EPHB1: variants seen among roughly 807,000 people sequenced by gnomAD.
The protein encoded by EPHB1 is EPH receptor B1.
Under a neutral mutation model 94.4 loss-of-function variants are expected in EPHB1, and 30 were observed. The observed-to-expected ratio is 0.32, with a 90% CI of 0.24 to 0.43. EPHB1 has a LOEUF of 0.43. Among genes scored for constraint, EPHB1 ranks in the 20% least tolerant of loss-of-function variants. The pLI is 1.00. For missense variants in EPHB1, 1,055 were observed against 1,308.3 expected (o/e 0.81, Z 2.99); for synonymous variants, 522 against 489.1 (o/e 1.07, Z -0.89).
intron 1 of EPHB1, among the ~76,000 whole-genome samples, chr3:134,908,265 A>G (rs2038377809): frequency 6.6e-6 from 1 of 152,234 alleles, no homozygotes. Flanking sequence ...AGGTGCTAAC[A>G]TTCCCAACAA....
At chr3:135,145,815 C>G (rs1218873979) in intron 5 of EPHB1, among the ~76,000 whole-genome samples, 1 of 152,104 alleles carries the variant, frequency 6.6e-6, no homozygotes, top group Non-Finnish European at 1.5e-5. Context: ...TCAACCCTGC[C>G]GAGTCACAAC....
rs2107704794 is a variant in EPHB1 at position 135,179,847 on chromosome 3, C to G, written c.1760-13C>G. On this transcript the variant is annotated splice_polypyrimidine_tract_variant and intron_variant, in intron 9 of 15. Transcript: ENST00000398015. ...TCTTTGGGATGTTAACCCTGCTTAT[C>G]TCCTCCAACAAGGCTCCCCAGGGAT... 3 of 1,613,626 alleles carry G rather than the reference C, an allele frequency of 1.9e-6. No individual in the cohort carries two copies. Among genetic ancestry groups the G allele is most frequent in the Non-Finnish European group, 2.5e-6 (3 of 1,179,630 alleles).
intron 3 of EPHB1, among the ~76,000 whole-genome samples, chr3:135,017,973 G>A (rs1039764793): frequency 6.6e-6 from 1 of 152,096 alleles, no homozygotes; most frequent in African/African-American, 2.4e-5. Flanking sequence ...GGCTGGGGAG[G>A]CAGGCACATG....
At chr3:134,942,850 A>C (rs2039146455) in intron 2 of EPHB1, among the ~76,000 whole-genome samples, 1 of 152,268 alleles carries the variant, frequency 6.6e-6, no homozygotes, top group African/African-American at 2.4e-5. Flanking sequence ...AATTAGTCAA[A>C]GTTTAATTTA....
intron 3 of EPHB1, among the ~76,000 whole-genome samples, chr3:134,970,856 A>G (rs991603093): frequency 4.6e-5 from 7 of 152,228 alleles, no homozygotes; most frequent in African/African-American, 1.7e-4. Context: ...CGCCTACCAT[A>G]TTGAATGAGG....
At chr3:135,246,710 AGG>A in intron 13 of EPHB1, among the ~76,000 whole-genome samples, 1 of 65,934 alleles carries the variant, frequency 1.5e-5, no homozygotes, top group Non-Finnish European at 3.3e-5. Flanking sequence ...AACAGTTTAG[AGG>A]AGGAGGAGAA....
At chr3:135,201,881 C>A (rs1484694734) in intron 12 of EPHB1, among the ~76,000 whole-genome samples, 192 bp downstream of exon 12, 1 of 152,128 alleles carries the variant, frequency 6.6e-6, no homozygotes, top group Non-Finnish European at 1.5e-5. Flanking sequence ...AGCAAGAAAG[C>A]AAGCATTTGG....
intron 13 of EPHB1, among the ~76,000 whole-genome samples, chr3:135,247,622 T>C (rs1943958065): frequency 6.6e-6 from 1 of 152,222 alleles, no homozygotes; most frequent in Non-Finnish European, 1.5e-5. Context: ...ACAAAATTAC[T>C]CTCTGGCGTT....
At chr3:135,102,287 G>A (rs11711351) in intron 3 of EPHB1, among the ~76,000 whole-genome samples, 39,522 of 152,054 alleles carry the variant, frequency 0.26, 5,634 homozygotes, top group Non-Finnish European at 0.33. Context: ...TGTGACTCCC[G>A]GCTGCTTTAT....
intron 5 of EPHB1, among the ~76,000 whole-genome samples, chr3:135,133,667 C>T (rs1257960653): frequency 8.2e-6 from 1 of 121,582 alleles, no homozygotes; most frequent in Non-Finnish European, 1.9e-5. Flanking sequence ...GCTGTTGAGA[C>T]CTCAGATAGA....
chr3:134,836,890 A>C (rs1025545444), intron 1 of EPHB1, among the ~76,000 whole-genome samples: 1 of 152,220 alleles, frequency 6.6e-6, no homozygotes, highest in African/African-American at 2.4e-5. Context: ...AGTTTGTCTA[A>C]AGAAAGGAGA....
intron 4 of EPHB1, among the ~76,000 whole-genome samples, chr3:135,121,902 C>T (rs961167715): frequency 5.3e-5 from 8 of 152,032 alleles, no homozygotes; most frequent in Non-Finnish European, 7.4e-5. Flanking sequence ...CTATATCAGG[C>T]AGTCCCTTAT....
At chr3:135,108,725 C>T (rs1047350793) in intron 4 of EPHB1, among the ~76,000 whole-genome samples, 3 of 152,308 alleles carry the variant, frequency 2.0e-5, no homozygotes, top group African/African-American at 2.4e-5. Context: ...TTCTCTCCCC[C>T]CTTCACTTCT....
intron 5 of EPHB1, among the ~76,000 whole-genome samples, chr3:135,144,817 G>C (rs1299094586): frequency 6.6e-6 from 1 of 152,162 alleles, no homozygotes; most frequent in African/African-American, 2.4e-5. Context: ...TTCTACAACA[G>C]CACAGAGCAG....
chr3:134,990,155 C>T, intron 3 of EPHB1, among the ~76,000 whole-genome samples: 1 of 152,148 alleles, frequency 6.6e-6, no homozygotes, highest in East Asian at 1.9e-4. Flanking sequence ...GGACTCTCTC[C>T]CTTCCCTGAG....
chr3:134,969,933 A>G (rs1232280095), intron 3 of EPHB1, among the ~76,000 whole-genome samples: 1 of 152,208 alleles, frequency 6.6e-6, no homozygotes. Flanking sequence ...CTCTCTAGAA[A>G]GAAAGGGCAT....
intron 3 of EPHB1, among the ~76,000 whole-genome samples, chr3:134,980,152 A>G (rs1344983785): frequency 6.6e-6 from 1 of 152,212 alleles, no homozygotes; most frequent in Non-Finnish European, 1.5e-5. Context: ...CCAGAGACTT[A>G]TCACATGCAT....
intron 12 of EPHB1, among the ~76,000 whole-genome samples, chr3:135,215,283 C>A (rs548859310): frequency 6.6e-6 from 1 of 152,286 alleles, no homozygotes; most frequent in East Asian, 1.9e-4. Flanking sequence ...CCTGCCTCAG[C>A]CTCCCGAGTA....
Position 135,045,172 on chromosome 3 carries a change from T to C in EPHB1, c.806-61276T>C, listed in dbSNP as rs547103728. ...TGTGTGGATGGTGTGAAAGCATTGA[T>C]GGGTAAAGCTTTGTTCTGTCTGGCT... On this transcript the variant is annotated intron_variant, in intron 3 of 15. Coordinates refer to ENST00000398015, the MANE Select transcript of EPHB1 (RefSeq NM_004441.5). Among the ~76,000 whole-genome samples the C allele has an allele frequency of 5.9e-5, 9 of 152,266 alleles. No individual in the cohort carries two copies. In the South Asian group the frequency reaches 1.9e-3, roughly 32 times the overall value.
Sources: allele counts gnomAD v4.1 joint callset (sites outside exome capture counted in the v4.1 genomes callset), GRCh38; gene constraint gnomAD v4.1.1; transcripts MANE v1.5; gene names NCBI Gene and HGNC (gene_info 2026-07-23, HGNC 2026-07-21).